Variants in CRIM1 observed in about 807,000 individuals in gnomAD.
CRIM1 encodes the protein cysteine rich transmembrane BMP regulator 1, also known as cysteine-rich motor neuron 1 protein.
In CRIM1, 32 loss-of-function variants were observed where a neutral mutation model predicts 116.4. That is an observed-to-expected ratio of 0.27 (90% CI 0.21 to 0.37). CRIM1 has a LOEUF of 0.37. CRIM1 is among the 10% of genes least tolerant of loss of function. CRIM1 has a pLI of 1.00. For missense variants in CRIM1, 1,331 were observed against 1,354.8 expected, an observed-to-expected ratio of 0.98 and a Z score of 0.28; for synonymous variants, 590 against 509.2, an observed-to-expected ratio of 1.16 and a Z score of -2.13.
chr2:36,497,536 G>C (rs1315523827), intron 7 of CRIM1, among the ~76,000 whole-genome samples: 1 of 152,098 alleles, frequency 6.6e-6, no homozygotes, highest in African/African-American at 2.4e-5. Flanking sequence ...CGCTAACTCA[G>C]GATGTCTTAA....
chr2:36,511,515 T>C (rs1558386285), intron 9 of CRIM1, among the ~76,000 whole-genome samples: 1 of 152,186 alleles, frequency 6.6e-6, no homozygotes, highest in East Asian at 1.9e-4. Context: ...TGTATCACAA[T>C]AGTAGGTAGC....
At position 36,356,880 on chromosome 2, in the gene CRIM1, C is replaced by T. The variant is rs1042689523; in HGVS notation, c.331+257C>T. ...GAGTGGAGGATCGCCCCTGTCCCCG[C>T]GCAGACGCGCACACGTGTGGCCGTT... On this transcript the variant is annotated intron_variant, in intron 1 of 16. Coordinates refer to ENST00000280527, the MANE Select transcript of CRIM1 (RefSeq NM_016441.3). The surrounding 1 kb of genome is among the most constrained non-coding windows in gnomAD (Gnocchi z 4.3). Among the ~76,000 whole-genome samples the T allele has an allele frequency of 5.3e-5, 8 of 152,136 alleles. No individual in the cohort carries two copies. The highest frequency in any genetic ancestry group is 1.9e-4 in the African/African-American group (8 of 41,444).
In CRIM1 at chr2:36,464,881, A is replaced by G. The variant is rs369956374; in HGVS notation, c.991+226A>G. ...AGGAGGATTCTGGAAATGTAATAGC[A>G]GATTGCATGTAGCTGTCATACTCAG... On this transcript the variant is annotated intron_variant, in intron 5 of 16. Transcript: ENST00000280527. Among the ~76,000 whole-genome samples, 33 of 152,330 alleles carry G rather than the reference A, an allele frequency of 2.2e-4. No homozygotes were observed. In the East Asian group the frequency reaches 5.6e-3, roughly 26 times the overall value.
intron 2 of CRIM1, among the ~76,000 whole-genome samples, chr2:36,411,119 C>G (rs977829246): frequency 1.3e-5 from 2 of 152,218 alleles, no homozygotes; most frequent in Non-Finnish European, 2.9e-5. Flanking sequence ...ATTCCACTTA[C>G]ATGTTCTTGG....
At chr2:36,411,670 G>GTGTGTT (rs1466786573) in intron 2 of CRIM1, among the ~76,000 whole-genome samples, 1 of 151,810 alleles carries the variant, frequency 6.6e-6, no homozygotes, top group African/African-American at 2.4e-5. Flanking sequence ...CTTTGTGTGT[G>GTGTGTT]TGTGTGTGTG....
Position 36,513,704 on chromosome 2 carries a change from C to T in CRIM1, c.1929C>T (p.Cys643=). The T allele has an allele frequency of 6.2e-7, 1 of 1,614,206 alleles. No homozygotes were observed. Residue 643 remains cysteine (C), a synonymous_variant, in exon 11 of 17, where the codon TGC becomes TGT. Coordinates refer to ENST00000280527, the MANE Select transcript of CRIM1 (RefSeq NM_016441.3). ...NGREMCALIT[C]PVPACGNPTI... ...GGGAAATGTGTGCCCTGATCACCTG[C>T]CCGGTGCCTGCCTGTGGCAACCCCA...
At chr2:36,456,784 C>G (rs893821238) in intron 4 of CRIM1, among the ~76,000 whole-genome samples, 5 of 152,148 alleles carry the variant, frequency 3.3e-5, no homozygotes, top group Non-Finnish European at 5.9e-5. Context: ...TCTCCACCCC[C>G]CCACCACCCA....
intron 2 of CRIM1, among the ~76,000 whole-genome samples, chr2:36,410,986 A>G (rs977696432): frequency 2.0e-5 from 3 of 152,186 alleles, no homozygotes; most frequent in East Asian, 3.8e-4. Context: ...ACAAATTCTC[A>G]TATTCTCAGT....
At chr2:36,395,150 G>A (rs755243822) in intron 1 of CRIM1, among the ~76,000 whole-genome samples, 14 of 151,998 alleles carry the variant, frequency 9.2e-5, no homozygotes, top group Non-Finnish European at 1.9e-4. Flanking sequence ...GAGTAACTGG[G>A]ACCACAGGCA....
At chr2:36,523,367 C>T (rs970164866) in intron 13 of CRIM1, among the ~76,000 whole-genome samples, 1 of 152,202 alleles carries the variant, frequency 6.6e-6, no homozygotes, top group Non-Finnish European at 1.5e-5. Flanking sequence ...CTCTAGAGCC[C>T]TCACCTTCTT....
chr2:36,495,894 C>G (rs1680554928), intron 7 of CRIM1, among the ~76,000 whole-genome samples: 1 of 152,084 alleles, frequency 6.6e-6, no homozygotes, highest in Non-Finnish European at 1.5e-5. Context: ...AGTCTATATA[C>G]TTACCGGTCA....
Position 36,356,631 on chromosome 2 carries a change from C to A in CRIM1, c.331+8C>A, listed in dbSNP as rs1210133602. On this transcript the variant is annotated splice_region_variant and intron_variant, in intron 1 of 16. Coordinates refer to ENST00000280527, the MANE Select transcript of CRIM1 (RefSeq NM_016441.3). The surrounding 1 kb of genome is among the most constrained non-coding windows in gnomAD (Gnocchi z 4.3). ...AAGCGGGCGTTTGCGAAGGTACGGC[C>A]GCCCGCTGCGGGCCCCCTCCCACCT... The A allele has an allele frequency of 7.5e-6, 12 of 1,599,230 alleles. No individual in the cohort carries two copies. Among genetic ancestry groups the A allele is most frequent in the Non-Finnish European group, 9.4e-6 (11 of 1,174,454 alleles).
intron 4 of CRIM1, among the ~76,000 whole-genome samples, chr2:36,461,780 T>C (rs535125596): frequency 1.3e-5 from 2 of 152,232 alleles, no homozygotes; most frequent in Non-Finnish European, 2.9e-5. Flanking sequence ...AGATAACTCA[T>C]GTGAGTTGTA....
At chr2:36,438,375 G>A (rs890502244) in intron 2 of CRIM1, among the ~76,000 whole-genome samples, 11 of 152,214 alleles carry the variant, frequency 7.2e-5, no homozygotes, top group Admixed American at 6.5e-4. Context: ...AAAACAATGT[G>A]TTTGCCAGAT....
chr2:36,365,533 C>G (rs1239681738), intron 1 of CRIM1, among the ~76,000 whole-genome samples: 1 of 152,184 alleles, frequency 6.6e-6, no homozygotes, highest in Non-Finnish European at 1.5e-5. Context: ...TTGCTTTTCT[C>G]TCTCCCAGTC....
intron 7 of CRIM1, among the ~76,000 whole-genome samples, chr2:36,489,171 C>T (rs995568671): frequency 1.6e-4 from 25 of 152,126 alleles, no homozygotes; most frequent in African/African-American, 4.3e-4. Context: ...ACCATTTGCC[C>T]GTGCCTGTGC....
chr2:36,513,209 T>G (rs1018847336), intron 10 of CRIM1: 1 of 264,392 alleles, frequency 3.8e-6, no homozygotes, highest in African/African-American at 2.2e-5. Flanking sequence ...GGATGAAGCT[T>G]CTAGAGCGAT....
chr2:36,523,394 A>G (rs1197718858), intron 13 of CRIM1, among the ~76,000 whole-genome samples: 1 of 152,132 alleles, frequency 6.6e-6, no homozygotes, highest in Non-Finnish European at 1.5e-5. Context: ...CGTGGTGGTG[A>G]TGCATCTTTG....
chr2:36,480,155 C>G (rs186101307), intron 7 of CRIM1, among the ~76,000 whole-genome samples: 23 of 152,318 alleles, frequency 1.5e-4, no homozygotes, highest in Non-Finnish European at 2.8e-4. Context: ...AGTATCTGTT[C>G]TACTTCTCAT....
Sources: gnomAD v4.1 joint callset for allele counts (sites outside exome capture counted in the v4.1 genomes callset) on GRCh38, gnomAD v4.1.1 for gene constraint, Gnocchi (gnomAD v3.1) non-coding constraint, MANE v1.5 for transcripts, NCBI Gene and HGNC (gene_info 2026-07-23, HGNC 2026-07-21) for gene names.